The following FBXL17 variants were observed in gnomAD, a reference collection of about 807,000 sequenced individuals.
FBXL17 encodes the protein F-box and leucine rich repeat protein 17, also known as F-box/LRR-repeat protein 17.
Under a neutral mutation model 66.2 loss-of-function variants are expected in FBXL17, and 22 were observed. The observed-to-expected ratio is 0.33, with a 90% confidence interval of 0.24 to 0.47. The LOEUF (loss-of-function observed/expected upper bound fraction) is 0.47, where lower values mean the gene tolerates loss of function less well. FBXL17 is among the 20% of genes least tolerant of loss of function. The pLI, the probability that FBXL17 is intolerant of heterozygous loss-of-function variation, is 1.00. For synonymous variants in FBXL17, 474 were observed against 400.5 expected (o/e 1.18, Z -2.19); for missense variants, 878 against 948.2 (o/e 0.93, Z 0.97).
At chr5:108,202,452 T>A (rs1753936610) in intron 5 of FBXL17, among the ~76,000 whole-genome samples, 1 of 152,192 alleles carries the variant, frequency 6.6e-6, no homozygotes, top group African/African-American at 2.4e-5. Context: ...TTGTCTATAC[T>A]AATTTATGAA....
chr5:108,067,134 G>T (rs1388286575), intron 6 of FBXL17, among the ~76,000 whole-genome samples: 2 of 152,044 alleles, frequency 1.3e-5, no homozygotes, highest in African/African-American at 4.8e-5. Context: ...ATATTCTAAA[G>T]GAAATGTGAT....
chr5:108,374,299 C>T (rs528740223), intron 1 of FBXL17, among the ~76,000 whole-genome samples: 1 of 152,278 alleles, frequency 6.6e-6, no homozygotes, highest in Admixed American at 6.5e-5. Context: ...TACTACACTA[C>T]AAGTCAAGTC....
At chr5:108,008,636 GAT>G (rs1413752590) in intron 7 of FBXL17, among the ~76,000 whole-genome samples, 1 of 152,090 alleles carries the variant, frequency 6.6e-6, no homozygotes, top group Admixed American at 6.6e-5. Context: ...GTTACTATAA[GAT>G]AGAAATAATT....
In FBXL17 at chr5:108,357,024, G is replaced by T. The variant is rs541522963; in HGVS notation, c.1374+7714C>A. Among the ~76,000 whole-genome samples the T allele has an allele frequency of 6.6e-5, 10 of 151,934 alleles. No homozygotes were observed. In the East Asian group the frequency reaches 1.9e-3, roughly 29 times the overall value. On this transcript the variant is annotated intron_variant, in intron 3 of 8. Coordinates refer to ENST00000542267, the MANE Select transcript of FBXL17 (RefSeq NM_001163315.3). ...GTCAAAAGAGCATTCACAAAAATCA[G>T]GCAGCAAACAAAATTTCAAAATTTC...
intron 7 of FBXL17, among the ~76,000 whole-genome samples, chr5:107,896,229 A>G (rs1243427947): frequency 2.0e-5 from 3 of 152,314 alleles, no homozygotes; most frequent in Middle Eastern, 3.4e-3. Context: ...AAGAGAGTCA[A>G]TAACGTTGAG....
chr5:107,867,303 C>A (rs2112482684), intron 8 of FBXL17, among the ~76,000 whole-genome samples: 1 of 152,312 alleles, frequency 6.6e-6, no homozygotes, highest in South Asian at 2.1e-4. Flanking sequence ...CAAAGCAGCT[C>A]ATGATGGTAG....
In FBXL17 at chr5:108,081,054, G is replaced by C. The variant is rs7736260; in HGVS notation, c.1746-60053C>G. 3.7e-3 allele frequency among the ~76,000 whole-genome samples: 569 copies of C among 152,200 alleles called. 4 individuals are homozygous for C. Among genetic ancestry groups the C allele is most frequent in the African/African-American group, 0.013 (527 of 41,550 alleles). On this transcript the variant is annotated intron_variant, in intron 6 of 8. Coordinates refer to ENST00000542267, the MANE Select transcript of FBXL17 (RefSeq NM_001163315.3). ...ATACGTCAAAGAAATATATTTTGGG[G>C]TAAAATTCTGACCAAGCCCTGCTAT...
chr5:107,962,189 C>T (rs931072046), intron 7 of FBXL17, among the ~76,000 whole-genome samples: 2 of 152,050 alleles, frequency 1.3e-5, no homozygotes, highest in Admixed American at 1.3e-4. Flanking sequence ...ATACTCAATG[C>T]CACTGAACCG....
chr5:108,334,492 T>C (rs774546278), intron 4 of FBXL17, among the ~76,000 whole-genome samples: 8 of 152,188 alleles, frequency 5.3e-5, no homozygotes, highest in Non-Finnish European at 5.9e-5. Flanking sequence ...GGCCATGCGA[T>C]GTGCTGCCAA....
chr5:107,935,452 A>C (rs1439494650), intron 7 of FBXL17, among the ~76,000 whole-genome samples: 1 of 151,152 alleles, frequency 6.6e-6, no homozygotes, highest in Non-Finnish European at 1.5e-5. Flanking sequence ...TGCGCGCCTT[A>C]TCTCAAAATA....
At chr5:107,902,880 T>C (rs953351748) in intron 7 of FBXL17, among the ~76,000 whole-genome samples, 5 of 152,216 alleles carry the variant, frequency 3.3e-5, no homozygotes, top group Middle Eastern at 3.4e-3. Flanking sequence ...TGGTTGATAA[T>C]TGATCTCCAG....
chr5:108,294,186 C>T (rs1375124238), intron 4 of FBXL17, among the ~76,000 whole-genome samples: 2 of 145,608 alleles, frequency 1.4e-5, no homozygotes, highest in African/African-American at 5.0e-5. Context: ...AAGAAAACTA[C>T]ATATCAACAG....
In FBXL17 at chr5:108,122,671, T is replaced by C. The variant is rs562280799; in HGVS notation, c.1745+63446A>G. On this transcript the variant is annotated intron_variant, in intron 6 of 8. Coordinates refer to ENST00000542267, the MANE Select transcript of FBXL17 (RefSeq NM_001163315.3). Reference sequence around the variant, plus strand: ...TGTGTATTCACACAAAAGCAAGACATTGAGTAACATATACTCAAAGTCAGG... The same window carrying C: ...TGTGTATTCACACAAAAGCAAGACACTGAGTAACATATACTCAAAGTCAGG... 2.6e-5 allele frequency among the ~76,000 whole-genome samples: 4 copies of C among 152,280 alleles called. No individual in the cohort carries two copies. The South Asian group carries it at 6.2e-4, about 24-fold the overall frequency.
intron 6 of FBXL17, among the ~76,000 whole-genome samples, chr5:108,167,753 T>G (rs1415140628): frequency 6.6e-6 from 1 of 152,046 alleles, no homozygotes; most frequent in Non-Finnish European, 1.5e-5. Context: ...AAGAAAATAT[T>G]CTACAGATTT....
intron 7 of FBXL17, among the ~76,000 whole-genome samples, chr5:107,986,735 TA>T (rs1244740264): frequency 6.6e-6 from 1 of 151,994 alleles, no homozygotes; most frequent in Non-Finnish European, 1.5e-5. Context: ...AATAGTGCAC[TA>T]TAACTTTCTA....
intron 7 of FBXL17, among the ~76,000 whole-genome samples, chr5:107,918,775 C>T (rs1016515254): frequency 6.6e-6 from 1 of 152,160 alleles, no homozygotes; most frequent in Non-Finnish European, 1.5e-5. Context: ...TCCTCAAAGA[C>T]AAGAAATGTG....
chr5:108,233,769 A>AGCCTGCATAATTCCTCTTGACTCAT, intron 4 of FBXL17, among the ~76,000 whole-genome samples: 2 of 152,206 alleles, frequency 1.3e-5, no homozygotes, highest in African/African-American at 4.8e-5. Flanking sequence ...AGGACCATTA[A>AGCCTGCATAATTCCTCTTGACTCAT]AAGCCTGCAT....
chr5:108,222,284 C>T (rs1274913943), intron 5 of FBXL17, among the ~76,000 whole-genome samples: 2 of 152,150 alleles, frequency 1.3e-5, no homozygotes, highest in Non-Finnish European at 2.9e-5. Context: ...AAAAAGCCCA[C>T]ATATGGCCAT....
intron 4 of FBXL17, among the ~76,000 whole-genome samples, chr5:108,280,926 A>AG (rs35177626): frequency 2.0e-5 from 3 of 151,360 alleles, no homozygotes; most frequent in Non-Finnish European, 1.5e-5. Context: ...AGAAAGAGAG[A>AG]GGGGGGATAT....
Sources: allele counts gnomAD v4.1 joint callset (sites outside exome capture counted in the v4.1 genomes callset), GRCh38; gene constraint gnomAD v4.1.1; transcripts MANE v1.5; gene names NCBI Gene and HGNC (gene_info 2026-07-23, HGNC 2026-07-21).